The following C1QTNF7 variants were observed in gnomAD, a reference collection of about 807,000 sequenced individuals.
C1QTNF7 encodes the protein C1q and TNF related 7.
C1QTNF7 carries 15 observed loss-of-function variants against 19.6 expected under a neutral mutation model. The observed-to-expected ratio is 0.76, with a 90% confidence interval of 0.51 to 1.18. The LOEUF (loss-of-function observed/expected upper bound fraction) is 1.18, where lower values mean the gene tolerates loss of function less well. Among genes scored for constraint, C1QTNF7 ranks in the 50% most tolerant of loss-of-function variants. C1QTNF7 has a pLI of 0.00. For missense variants in C1QTNF7, 324 were observed against 359.7 expected (o/e 0.90, Z 0.80); for synonymous variants, 142 against 137.5 (o/e 1.03, Z -0.23).
At chr4:15,361,259 A>G (rs190076355) in intron 1 of C1QTNF7, 192 of 152,098 alleles carry the variant, frequency 1.3e-3, no homozygotes, top group African/African-American at 4.4e-3. Flanking sequence ...CCTGTTTTCC[A>G]TCTTCTTCTT....
At chr4:15,431,097 GAT>G in intron 1 of C1QTNF7, among the ~76,000 whole-genome samples, 2 of 151,384 alleles carry the variant, frequency 1.3e-5, no homozygotes, top group South Asian at 2.1e-4. Flanking sequence ...TAGATAGATA[GAT>G]AGATAGATTC....
intron 1 of C1QTNF7, among the ~76,000 whole-genome samples, chr4:15,345,765 C>T (rs1716694750): frequency 6.6e-6 from 1 of 152,146 alleles, no homozygotes; most frequent in African/African-American, 2.4e-5. Flanking sequence ...ACTCAGTTTG[C>T]CAGCGGAGGA....
intron 1 of C1QTNF7, among the ~76,000 whole-genome samples, chr4:15,429,499 G>A (rs1381137011): frequency 1.3e-5 from 2 of 152,102 alleles, no homozygotes; most frequent in Non-Finnish European, 2.9e-5. Flanking sequence ...TTGTCCTTTT[G>A]TGACTGGCTT....
At chr4:15,399,211 G>C (rs1718898825) in intron 1 of C1QTNF7, among the ~76,000 whole-genome samples, 1 of 152,286 alleles carries the variant, frequency 6.6e-6, no homozygotes, top group African/African-American at 2.4e-5. Context: ...TTGGGAAACT[G>C]CCCTTCCCTG....
chr4:15,422,694 T>C (rs1001044521), intron 1 of C1QTNF7, among the ~76,000 whole-genome samples: 9 of 152,194 alleles, frequency 5.9e-5, no homozygotes, highest in Admixed American at 5.9e-4. Context: ...AGCTTCAACA[T>C]CTCGGGCTCA....
chr4:15,345,126 A>C (rs1269957174), intron 1 of C1QTNF7, among the ~76,000 whole-genome samples: 1 of 152,200 alleles, frequency 6.6e-6, no homozygotes, highest in Non-Finnish European at 1.5e-5. Flanking sequence ...AATCAACATA[A>C]ATCTGATTCC....
At chr4:15,406,181 C>G (rs752387916) in intron 1 of C1QTNF7, among the ~76,000 whole-genome samples, 3 of 152,182 alleles carry the variant, frequency 2.0e-5, no homozygotes, top group Non-Finnish European at 4.4e-5. Flanking sequence ...ACACCAATCC[C>G]TAAAGGCAGG....
chr4:15,427,759 G>A (rs988965930), upstream of C1QTNF7: 1 of 152,248 alleles, frequency 6.6e-6, no homozygotes, highest in Admixed American at 6.5e-5. Flanking sequence ...AAATGAAGAG[G>A]GAAAAAATTA....
intron 1 of C1QTNF7, chr4:15,381,663 G>A (rs1266091621): frequency 6.6e-6 from 1 of 152,040 alleles, no homozygotes; most frequent in African/African-American, 2.4e-5. Flanking sequence ...AAATAAATAA[G>A]ATATATAAAT....
intron 1 of C1QTNF7, among the ~76,000 whole-genome samples, chr4:15,351,047 T>C (rs1716918489): frequency 6.6e-6 from 1 of 152,196 alleles, no homozygotes; most frequent in Non-Finnish European, 1.5e-5. Context: ...TTCCTTGCTA[T>C]AAAAAATGAA....
upstream of C1QTNF7, among the ~76,000 whole-genome samples, chr4:15,425,386 G>C (rs1711991322): frequency 2.0e-5 from 3 of 152,192 alleles, no homozygotes; most frequent in African/African-American, 7.2e-5. Flanking sequence ...TCTGTAGAAA[G>C]TGATGCATAC....
intron 1 of C1QTNF7, among the ~76,000 whole-genome samples, chr4:15,433,316 C>T (rs779679879): frequency 1.4e-4 from 22 of 152,036 alleles, no homozygotes; most frequent in African/African-American, 2.4e-4. Context: ...CCACACCCAG[C>T]CTTTTTTTTC....
At chr4:15,369,244 T>C (rs1360355808) in intron 1 of C1QTNF7, among the ~76,000 whole-genome samples, 1 of 152,208 alleles carries the variant, frequency 6.6e-6, no homozygotes. Flanking sequence ...AAGGCTCAAG[T>C]GAGAAAACAG....
At chr4:15,379,683 C>G (rs1718070462) in intron 1 of C1QTNF7, among the ~76,000 whole-genome samples, 1 of 152,112 alleles carries the variant, frequency 6.6e-6, no homozygotes. Flanking sequence ...GAAGAATTTA[C>G]TACGAGTTTT....
intron 1 of C1QTNF7, among the ~76,000 whole-genome samples, chr4:15,368,101 T>G (rs749412317): frequency 1.3e-5 from 2 of 152,178 alleles, no homozygotes; most frequent in Non-Finnish European, 2.9e-5. Context: ...CTGACTGATC[T>G]GCTTTTTTGT....
rs549697094 is a variant in C1QTNF7 at position 15,433,185 on chromosome 4, C to T, written c.-8-2551C>T. ...CCTCATTATGACTATCTTCTATGAA[C>T]CTTTATTTTTTTGGTAGAGATGGGG... On this transcript the variant is annotated intron_variant, in intron 1 of 2. Transcript: ENST00000444304. Among the ~76,000 whole-genome samples the T allele has an allele frequency of 5.9e-5, 9 of 152,202 alleles. No individual in the cohort carries two copies. The South Asian group carries it at 1.9e-3, about 32-fold the overall frequency.
intron 2 of C1QTNF7, among the ~76,000 whole-genome samples, chr4:15,436,439 A>G (rs143249236): frequency 2.6e-5 from 4 of 152,252 alleles, no homozygotes; most frequent in African/African-American, 9.6e-5. Flanking sequence ...AAAAACCAGG[A>G]GCCAGATGCA....
chr4:15,392,296 T>G (rs1460211603), intron 1 of C1QTNF7, among the ~76,000 whole-genome samples: 3 of 152,124 alleles, frequency 2.0e-5, no homozygotes, highest in Non-Finnish European at 4.4e-5. Context: ...TGTATATATC[T>G]AGGGGGCGCT....
chr4:15,405,206 C>T (rs545739987), intron 1 of C1QTNF7, among the ~76,000 whole-genome samples: 1 of 152,280 alleles, frequency 6.6e-6, no homozygotes, highest in African/African-American at 2.4e-5. Context: ...CTGTTTCATC[C>T]TGAACATGTT....
Sources: gnomAD v4.1 joint callset for allele counts (sites outside exome capture counted in the v4.1 genomes callset) on GRCh38, gnomAD v4.1.1 for gene constraint, MANE v1.5 for transcripts, NCBI Gene and HGNC (gene_info 2026-07-23, HGNC 2026-07-21) for gene names.